Variants in PSD observed in about 807,000 individuals in gnomAD.
PSD encodes pleckstrin and Sec7 domain containing.
A neutral mutation model predicts 91.6 loss-of-function variants in PSD; 32 were observed. That is an observed-to-expected ratio of 0.35 (90% CI 0.26 to 0.47). PSD has a LOEUF of 0.47. PSD is among the 20% of genes least tolerant of loss of function. The pLI is 1.00. For synonymous variants in PSD, 532 were observed against 569.3 expected (o/e 0.93, Z 0.93); for missense variants, 1,099 against 1,373.9 (o/e 0.80, Z 3.16).
At chr10:102,413,061 C>T (rs1220134864) in intron 5 of PSD, among the ~76,000 whole-genome samples, 1 of 152,130 alleles carries the variant, frequency 6.6e-6, no homozygotes, top group African/African-American at 2.4e-5. Flanking sequence ...CTTGGTGCTC[C>T]CCCTCTGCCC....
chr10:102,413,977 G>C lies in PSD; in HGVS notation c.1345C>G (p.Pro449Ala). ...GCTGGTGGGTCGGGCCGGGGTGCAG[G>C]GGGTTGGGGAGGCAGCTCAAAGGTG... ...FFTFELPPQP[P>A]APRPDPPAPA... Residue 449 changes from proline (P) to alanine (A), a missense_variant, in exon 5 of 17, where the codon CCT becomes GCT. By Grantham distance (27) the Pro-to-Ala change is conservative. Around this residue, in one of 3 missense-constraint regions of PSD, gnomAD observed 631 missense variants for 728.8 expected, o/e 0.87. Transcript: ENST00000020673. The C allele has an allele frequency of 6.2e-7, 1 of 1,613,960 alleles. No individual in the cohort carries two copies.
chr10:102,410,599 C>T lies in PSD; in HGVS notation c.2091+259G>A, dbSNP rs73349025. On this transcript the variant is annotated intron_variant, in intron 10 of 16. Coordinates refer to ENST00000020673, the MANE Select transcript of PSD (RefSeq NM_002779.5). This position sits in a 1 kb window ranked among gnomAD's most constrained non-coding sequence, Gnocchi z 6.0. Reference sequence around the variant, plus strand: ...AACGCAGGGGCCGGGGCCGCCTGCTCGCGTTTTCCAGAGCCGGGTCCCCTC... The same window carrying T: ...AACGCAGGGGCCGGGGCCGCCTGCTTGCGTTTTCCAGAGCCGGGTCCCCTC... Among the ~76,000 whole-genome samples the T allele has an allele frequency of 6.6e-6, 1 of 152,218 alleles. No individual in the cohort carries two copies. Among genetic ancestry groups the T allele is most frequent in the Non-Finnish European group, 1.5e-5 (1 of 68,020 alleles).
Position 102,403,569 on chromosome 10 carries a change from G to C in PSD, c.2845-139C>G, listed in dbSNP as rs1589878038. ...ACTGTGAGATGGTCCCATGCGGGCT[G>C]GTGCCCCCTCTGGGCTCTCCTGGGA... is the stretch of plus-strand genomic sequence containing the variant. On this transcript the variant is annotated intron_variant, in intron 16 of 16. Coordinates refer to ENST00000020673, the MANE Select transcript of PSD (RefSeq NM_002779.5). This position sits in a 1 kb window ranked among gnomAD's most constrained non-coding sequence, Gnocchi z 6.7. 1 of 895,782 alleles carries C rather than the reference G, an allele frequency of 1.1e-6. No individual in the cohort carries two copies. Among genetic ancestry groups the C allele is most frequent in the East Asian group, 2.7e-5 (1 of 37,470 alleles). 55.5% of individuals were successfully genotyped at this position (895,782 alleles called of 1,614,324 possible).
upstream of PSD, chr10:102,418,812 C>T: frequency 1.1e-5 from 5 of 448,134 alleles, no homozygotes; most frequent in Non-Finnish European, 2.2e-5. Flanking sequence ...CCTCTCAGTC[C>T]CTCCCCCTAC....
rs1301706542 is a variant in PSD, at chr10:102,416,926, C to T, written c.113G>A (p.Ser38Asn). Reference sequence around the variant, plus strand: ...CAAGGAGCCTGTGCTGCCATACATGCTGGCTGGGGGGCTCTGGGGCACCGG... The same window carrying T: ...CAAGGAGCCTGTGCTGCCATACATGTTGGCTGGGGGGCTCTGGGGCACCGG... Reference protein sequence around the residue: ...EGPVPQSPPASMYGSTGSLLR... With the variant: ...EGPVPQSPPANMYGSTGSLLR... The change falls in exon 2 of 17, where the codon AGC becomes AAC. Residue 38 changes from serine (S) to asparagine (N), a missense_variant. Ser to Asn is a conservative substitution (Grantham distance 46). Transcript: ENST00000020673. This position sits in a 1 kb window ranked among gnomAD's most constrained non-coding sequence, Gnocchi z 6.0. 1.2e-6 allele frequency: 2 copies of T among 1,605,868 alleles called. No individual in the cohort carries two copies. The highest frequency in any genetic ancestry group is 2.7e-5 in the African/African-American group (2 of 74,868).
At position 102,414,301 on chromosome 10, in the gene PSD, C is replaced by G. The variant is rs878859861; in HGVS notation, c.1125-104G>C. 2.6e-6 allele frequency: 3 copies of G among 1,140,736 alleles called. No homozygotes were observed. The highest frequency in any genetic ancestry group is 3.1e-5 in the South Asian group (2 of 64,556). 70.7% of individuals were successfully genotyped at this position (1,140,736 alleles called of 1,614,324 possible). On this transcript the variant is annotated intron_variant, in intron 4 of 16. Transcript: ENST00000020673. The surrounding 1 kb of genome is among the most constrained non-coding windows in gnomAD (Gnocchi z 5.6). ...ACTCTGCTAAGGGGATTATCATCCC[C>G]TTTTCACTGGCTCCAGCCCACTAAC...
At position 102,412,470 on chromosome 10, in the gene PSD, C is replaced by T. The variant is rs199703645; in HGVS notation, c.1659G>A (p.Ala553=). 2.2e-5 allele frequency: 36 copies of T among 1,614,122 alleles called. No homozygotes were observed. Among genetic ancestry groups the T allele is most frequent in the African/African-American group, 4.0e-5 (3 of 75,052 alleles). The change falls in exon 6 of 17, where the codon GCG becomes GCA. Residue 553 remains alanine (A), a synonymous_variant. Coordinates refer to ENST00000020673, the MANE Select transcript of PSD (RefSeq NM_002779.5). ...STDTLSNGQK[A]DLEAAQRLAK... ...CCAGGCGCTGCGCAGCCTCCAGGTCCGCTTTCTGCCCATTGGACAAGGTGT... is the reference window on the plus strand; with the variant it reads ...CCAGGCGCTGCGCAGCCTCCAGGTCTGCTTTCTGCCCATTGGACAAGGTGT...
chr10:102,407,320 G>A, intron 10 of PSD, 54 bp from the exon 11 acceptor site: 1 of 1,204,840 alleles, frequency 8.3e-7, no homozygotes, highest in Admixed American at 2.7e-5. Context: ...CGCAGTGTCA[G>A]AGCTTAGAGC....
In PSD at chr10:102,403,706, G is replaced by T; in HGVS notation, c.2844+136C>A. The T allele has an allele frequency of 2.5e-6, 3 of 1,178,088 alleles. No individual in the cohort carries two copies. Among genetic ancestry groups the T allele is most frequent in the Non-Finnish European group, 3.5e-6 (3 of 857,286 alleles). 73.0% of individuals were successfully genotyped at this position (1,178,088 alleles called of 1,614,324 possible). ...GTGGATGTCAAATGTTATCCTTGTTGCACAGAGGAGGAAACTGAGGCTTAG... is the reference window on the plus strand; with the variant it reads ...GTGGATGTCAAATGTTATCCTTGTTTCACAGAGGAGGAAACTGAGGCTTAG... On this transcript the variant is annotated intron_variant, in intron 16 of 16. Transcript: ENST00000020673. This position sits in a 1 kb window ranked among gnomAD's most constrained non-coding sequence, Gnocchi z 6.7.
chr10:102,415,242 T>C lies in PSD; in HGVS notation c.758-13A>G, dbSNP rs1281789555. 6.3e-7 allele frequency: 1 copy of C among 1,587,052 alleles called. No homozygotes were observed. The highest frequency in any genetic ancestry group is 2.3e-5 in the East Asian group (1 of 44,302). On this transcript the variant is annotated splice_polypyrimidine_tract_variant and intron_variant, in intron 3 of 16. Coordinates refer to ENST00000020673, the MANE Select transcript of PSD (RefSeq NM_002779.5). ...GGGGGCTTAGCACCTGTAGTGTGCATAGGCATCCAGGTCAGGAGGTTATCC... is the reference window on the plus strand; with the variant it reads ...GGGGGCTTAGCACCTGTAGTGTGCACAGGCATCCAGGTCAGGAGGTTATCC...
Position 102,412,722 on chromosome 10 carries a change from A to G in PSD, c.1554-147T>C, listed in dbSNP as rs2135457602. ...ATTCTTCTTTTTTCCAGGGAAGGAG[A>G]TTAGATTCTCTCCATCAGCCTACTC... On this transcript the variant is annotated intron_variant, in intron 5 of 16. Transcript: ENST00000020673. The G allele has an allele frequency of 8.5e-6, 6 of 708,428 alleles. No individual in the cohort carries two copies. The East Asian group carries it at 1.6e-4, about 19-fold the overall frequency. 43.9% of individuals were successfully genotyped at this position (708,428 alleles called of 1,614,324 possible).
chr10:102,410,777 T>C lies in PSD; in HGVS notation c.2091+81A>G. 6 of 692,946 alleles carry C rather than the reference T, an allele frequency of 8.7e-6. No individual in the cohort carries two copies. Among genetic ancestry groups the C allele is most frequent in the Admixed American group, 1.9e-5 (1 of 52,088 alleles). 42.9% of individuals were successfully genotyped at this position (692,946 alleles called of 1,614,324 possible). A position where few individuals can be genotyped will look rare whatever the true frequency, so the allele number is the denominator to read the frequency against. On this transcript the variant is annotated intron_variant, in intron 10 of 16. Transcript: ENST00000020673. The surrounding 1 kb of genome is among the most constrained non-coding windows in gnomAD (Gnocchi z 6.0). ...GGGTCGGCAAGCCCCAGCCCTGCCCTCCCTCCGACTCTGGACTCCGTCGCC... is the reference window on the plus strand; with the variant it reads ...GGGTCGGCAAGCCCCAGCCCTGCCCCCCCTCCGACTCTGGACTCCGTCGCC...
In PSD at chr10:102,403,294, G is replaced by A. The variant is rs767505523; in HGVS notation, c.2981C>T (p.Pro994Leu). Residue 994 changes from proline to leucine, a missense_variant, in exon 17 of 17, where the codon CCC (proline) becomes CTC (leucine). Coordinates refer to ENST00000020673, the MANE Select transcript of PSD (RefSeq NM_002779.5). The surrounding 1 kb of genome is among the most constrained non-coding windows in gnomAD (Gnocchi z 6.7). ...GCTGGAGGGTTTGGGCTGCAGGGAG[G>A]GACTGGAGTGAGAAGGAGGGAGTCC... ...EDGLPPSHSSPSLQPKPSSQP... is the reference protein window; with the variant it reads ...EDGLPPSHSSLSLQPKPSSQP... The A allele has an allele frequency of 6.2e-7, 1 of 1,613,942 alleles. No individual in the cohort carries two copies. The highest frequency in any genetic ancestry group is 2.2e-5 in the East Asian group (1 of 44,880).
chr10:102,415,210 C>G lies in PSD; in HGVS notation c.777G>C (p.Gln259His), dbSNP rs144249036. 1 of 1,610,432 alleles carries G rather than the reference C, an allele frequency of 6.2e-7. No individual in the cohort carries two copies. Among genetic ancestry groups the G allele is most frequent in the East Asian group, 2.2e-5 (1 of 44,816 alleles). Residue 259 changes from glutamine (Q) to histidine (H), a missense_variant, in exon 4 of 17, where the codon CAG (glutamine) becomes CAC (histidine). Around this residue, in one of 3 missense-constraint regions of PSD, gnomAD observed 631 missense variants for 728.8 expected, o/e 0.87. Coordinates refer to ENST00000020673, the MANE Select transcript of PSD (RefSeq NM_002779.5). ...CCACCCCAGGTGGAGATGGGGGGGC[C>G]TGCTCTGGGGGCTTAGCACCTGTAG... ...PPSSGAKPPE[Q>H]APPSPPGVGS...
In PSD at chr10:102,415,201, T is replaced by TG. The variant is rs768369085; in HGVS notation, c.785dup (p.Ser263IlefsTer38). 3.7e-6 allele frequency: 6 copies of TG among 1,611,184 alleles called. No homozygotes were observed. The highest frequency in any genetic ancestry group is 2.5e-6 in the Non-Finnish European group (3 of 1,178,722). On this transcript the variant is annotated frameshift_variant, in exon 4 of 17. Coordinates refer to ENST00000020673, the MANE Select transcript of PSD (RefSeq NM_002779.5). LOFTEE classifies it high-confidence loss of function. ...GCCTTGAGCCCACCCCAGGTGGAGA[T>TG]GGGGGGGCCTGCTCTGGGGGCTTAG...
Position 102,415,316 on chromosome 10 carries a change from T to G in PSD, c.758-87A>C, listed in dbSNP as rs1227100685. ...TGCTCTAGGATCTCTGCCCACTGCC[T>G]CATATTGACAGGAAGTTCTTTCACT... On this transcript the variant is annotated intron_variant, in intron 3 of 16. Transcript: ENST00000020673. 2.1e-6 allele frequency: 3 copies of G among 1,432,108 alleles called. No homozygotes were observed. In the African/African-American group the frequency reaches 4.2e-5, roughly 20 times the overall value. 88.7% of individuals were successfully genotyped at this position (1,432,108 alleles called of 1,614,324 possible). A position where few individuals can be genotyped will look rare whatever the true frequency, so the allele number is the denominator to read the frequency against.
intron 3 of PSD, 23 bp downstream of exon 3, chr10:102,415,994 C>T (rs1390029038): frequency 6.3e-7 from 1 of 1,591,162 alleles, no homozygotes; most frequent in Admixed American, 1.7e-5. Context: ...CCCTGTTCTC[C>T]CTGCCTCAGT....
chr10:102,413,907 G>A lies in PSD; in HGVS notation c.1415C>T (p.Ser472Phe). 2 of 1,614,040 alleles carry A rather than the reference G, an allele frequency of 1.2e-6. No homozygotes were observed. The highest frequency in any genetic ancestry group is 1.7e-6 in the Non-Finnish European group (2 of 1,179,958). ...APLEPDSGTS[S>F]AADGPWTQRG... ...CTGTGTCCAAGGACCATCAGCAGCA[G>A]AGCTGGTACCAGAATCCGGTTCAAG... is the stretch of plus-strand genomic sequence containing the variant. The change falls in exon 5 of 17, where the codon TCT becomes TTT. Residue 472 changes from serine (S) to phenylalanine (F), a missense_variant. This residue lies in a region of PSD where 631 missense variants were observed against 728.8 expected (regional missense o/e 0.87). Transcript: ENST00000020673.
In PSD at chr10:102,405,178, C is replaced by A; in HGVS notation, c.2397+5G>T. On this transcript the variant is annotated splice_donor_5th_base_variant and intron_variant, in intron 13 of 16. Transcript: ENST00000020673. The surrounding 1 kb of genome is among the most constrained non-coding windows in gnomAD (Gnocchi z 5.4). Reference sequence around the variant, plus strand: ...CAGCCCCAGCCCCCTGGCCTGACCCCGCACCTTCTGCAGGTAGAGGATCAT... The same window carrying A: ...CAGCCCCAGCCCCCTGGCCTGACCCAGCACCTTCTGCAGGTAGAGGATCAT... 6.2e-7 allele frequency: 1 copy of A among 1,610,966 alleles called. No individual in the cohort carries two copies. Among genetic ancestry groups the A allele is most frequent in the Non-Finnish European group, 8.5e-7 (1 of 1,179,828 alleles).
Sources: allele counts gnomAD v4.1 joint callset (sites outside exome capture counted in the v4.1 genomes callset), GRCh38; gene constraint gnomAD v4.1.1; regional missense constraint gnomAD v4.1.1; non-coding constraint Gnocchi (gnomAD v3.1); transcripts MANE v1.5; gene names NCBI Gene and HGNC (gene_info 2026-07-23, HGNC 2026-07-21).